ARHGAP25: variants seen among roughly 807,000 people sequenced by gnomAD.
ARHGAP25 encodes the protein rho GTPase-activating protein 25.
In ARHGAP25, 34 loss-of-function variants were observed where a neutral mutation model predicts 71.0. The ratio of observed to expected loss-of-function variants is 0.48; its 90% CI spans 0.36 to 0.64. The LOEUF (loss-of-function observed/expected upper bound fraction) is 0.64, where lower values mean the gene tolerates loss of function less well. Among genes scored for constraint, ARHGAP25 ranks in the 30% least tolerant of loss-of-function variants. ARHGAP25 has a pLI of 0.00. For synonymous variants in ARHGAP25, 282 were observed against 296.5 expected (o/e 0.95, Z 0.50); for missense variants, 706 against 805.1 (o/e 0.88, Z 1.49).
intron 4 of ARHGAP25, among the ~76,000 whole-genome samples, chr2:68,800,189 T>C (rs926530706): frequency 6.7e-6 from 1 of 149,962 alleles, no homozygotes; most frequent in South Asian, 2.1e-4. Flanking sequence ...GCAGGCACAG[T>C]GTGTATGGGG....
chr2:68,822,085 T>G (rs1172857122), intron 9 of ARHGAP25, among the ~76,000 whole-genome samples: 1 of 152,128 alleles, frequency 6.6e-6, no homozygotes, highest in East Asian at 1.9e-4. Context: ...TACATAAGGA[T>G]CCTACTTTAG....
At chr2:68,793,248 T>C (rs1679317164) in intron 4 of ARHGAP25, among the ~76,000 whole-genome samples, 2 of 152,226 alleles carry the variant, frequency 1.3e-5, no homozygotes, top group African/African-American at 4.8e-5. Flanking sequence ...TGTTGATTCT[T>C]TTGCTGTACA....
At chr2:68,785,123 A>T (rs562107244) in intron 3 of ARHGAP25, among the ~76,000 whole-genome samples, 28 of 152,308 alleles carry the variant, frequency 1.8e-4, no homozygotes, top group African/African-American at 6.7e-4. Context: ...AGGAGACAAG[A>T]ATAGGACATT....
At position 68,819,146 on chromosome 2, in the gene ARHGAP25, A is replaced by T. The variant is rs1343866329; in HGVS notation, c.1027A>T (p.Met343Leu). 2 of 1,572,776 alleles carry T rather than the reference A, an allele frequency of 1.3e-6. No homozygotes were observed. Among genetic ancestry groups the T allele is most frequent in the Admixed American group, 3.7e-5 (2 of 54,228 alleles). The change falls in exon 9 of 11, where the codon ATG becomes TTG. Residue 343 changes from methionine (M) to leucine (L), a missense_variant. Met to Leu is a conservative substitution (Grantham distance 15, BLOSUM62 2). Transcript: ENST00000409202. ...AGGGACTCCTCAGATCCAAAGAGTG[A>T]TGACTATGATGATCAGAGACCATGA... ...MRGTPQIQRV[M>L]TMMIRDHEVL...
intron 2 of ARHGAP25, among the ~76,000 whole-genome samples, chr2:68,713,249 G>A (rs186365758): frequency 6.6e-5 from 10 of 152,026 alleles, no homozygotes; most frequent in Non-Finnish European, 1.3e-4. Context: ...GTATTCCTAG[G>A]TATTTTATTC....
intron 6 of ARHGAP25, among the ~76,000 whole-genome samples, chr2:68,815,072 C>G (rs971796156): frequency 6.6e-6 from 1 of 152,232 alleles, no homozygotes; most frequent in Non-Finnish European, 1.5e-5. Context: ...AGATGCTGTT[C>G]TGACAATAAG....
At chr2:68,723,686 CTGGTGTTTTCTCTAG>C (rs903642935) in intron 2 of ARHGAP25, among the ~76,000 whole-genome samples, 45 of 152,192 alleles carry the variant, frequency 3.0e-4, no homozygotes, top group African/African-American at 9.9e-4. Flanking sequence ...AGTGATGGCC[CTGGTGTTTTCTCTAG>C]CAGAGTATAC....
At chr2:68,764,627 C>T (rs1225013973) in intron 1 of ARHGAP25, among the ~76,000 whole-genome samples, 1 of 152,136 alleles carries the variant, frequency 6.6e-6, no homozygotes, top group Non-Finnish European at 1.5e-5. Flanking sequence ...TTTGGGCACC[C>T]AGGGTAAACT....
chr2:68,770,527 G>A (rs1171059593), intron 1 of ARHGAP25, among the ~76,000 whole-genome samples: 2 of 152,182 alleles, frequency 1.3e-5, no homozygotes, highest in Non-Finnish European at 2.9e-5. Context: ...GATGAAGAAA[G>A]GAAGTGATAA....
At chr2:68,781,039 C>T (rs757210439) in intron 2 of ARHGAP25, among the ~76,000 whole-genome samples, 6 of 152,154 alleles carry the variant, frequency 3.9e-5, no homozygotes, top group Non-Finnish European at 7.3e-5. Flanking sequence ...TGCAAAGTGG[C>T]AGTGATAAAT....
intron 2 of ARHGAP25, among the ~76,000 whole-genome samples, chr2:68,724,449 G>C (rs973231759): frequency 6.6e-6 from 1 of 152,190 alleles, no homozygotes; most frequent in African/African-American, 2.4e-5. Context: ...GCTCCACAGT[G>C]CATGACCTCT....
At chr2:68,775,008 T>C in intron 1 of ARHGAP25, 1 of 1,461,720 alleles carries the variant, frequency 6.8e-7, no homozygotes. Flanking sequence ...CTGGGTTTTA[T>C]TCTTGGCCTG....
Position 68,735,245 on chromosome 2 carries a change from G to T in ARHGAP25, c.46G>T (p.Glu16Ter). Residue 16 changes from glutamate to a stop codon, truncating the protein, a stop_gained, in exon 1 of 11, where the codon GAG (glutamate) becomes TAG (stop). Coordinates refer to ENST00000409202, the MANE Select transcript of ARHGAP25 (RefSeq NM_001007231.3). LOFTEE classifies it high-confidence loss of function. ...GAACTGGGATTTCAACCTGAAAGTG[G>T]AGGCTGCGAAAATAGGTATGGTTGG... Reference protein sequence around the residue: ...PRNWDFNLKVEAAKIARSRSV... With the variant: ...PRNWDFNLKV The T allele has an allele frequency of 6.2e-7, 1 of 1,614,186 alleles. No individual in the cohort carries two copies. Among genetic ancestry groups the T allele is most frequent in the Non-Finnish European group, 8.5e-7 (1 of 1,180,010 alleles).
At chr2:68,789,340 G>A (rs1679000992) in intron 4 of ARHGAP25, among the ~76,000 whole-genome samples, 1 of 152,092 alleles carries the variant, frequency 6.6e-6, no homozygotes, top group Non-Finnish European at 1.5e-5. Flanking sequence ...GCCCGGCCTG[G>A]AATCTTAATT....
chr2:68,782,050 C>T (rs1163062450), intron 2 of ARHGAP25, among the ~76,000 whole-genome samples, 183 bp from the exon 3 acceptor site: 4 of 152,124 alleles, frequency 2.6e-5, no homozygotes, highest in African/African-American at 9.7e-5. Context: ...GAATAGCTGC[C>T]CTTTGATTTG....
At chr2:68,776,868 G>A (rs1677959154) in intron 2 of ARHGAP25, among the ~76,000 whole-genome samples, 1 of 144,028 alleles carries the variant, frequency 6.9e-6, no homozygotes, top group Non-Finnish European at 1.5e-5. Context: ...TTGGGGGTGG[G>A]TGGGACCAAA....
chr2:68,824,658 TG>T (rs1384990491), intron 10 of ARHGAP25, among the ~76,000 whole-genome samples: 1 of 151,664 alleles, frequency 6.6e-6, no homozygotes, highest in Non-Finnish European at 1.5e-5. Flanking sequence ...AGGAGAATGG[TG>T]TGAACCTGGG....
chr2:68,762,623 C>T (rs993715563), intron 1 of ARHGAP25, among the ~76,000 whole-genome samples: 4 of 152,128 alleles, frequency 2.6e-5, no homozygotes, highest in Non-Finnish European at 5.9e-5. Flanking sequence ...TTGTGCATCT[C>T]TGGTTCCTGC....
intron 9 of ARHGAP25, chr2:68,819,773 C>A: frequency 5.5e-6 from 2 of 363,978 alleles, no homozygotes; most frequent in Admixed American, 4.3e-5. Flanking sequence ...TTTCTCATTC[C>A]TCGATAAGCC....
Sources: allele counts gnomAD v4.1 joint callset (sites outside exome capture counted in the v4.1 genomes callset), GRCh38; gene constraint gnomAD v4.1.1; transcripts MANE v1.5; gene names NCBI Gene and HGNC (gene_info 2026-07-23, HGNC 2026-07-21).